Variants in AUTS2 observed in about 807,000 individuals in gnomAD.
The protein encoded by AUTS2 is autism susceptibility gene 2 protein.
In AUTS2, 17 loss-of-function variants were observed where a neutral mutation model predicts 112.4. That is an observed-to-expected ratio of 0.15 (90% CI 0.10 to 0.23). The LOEUF (loss-of-function observed/expected upper bound fraction) is 0.23, where lower values mean the gene tolerates loss of function less well. AUTS2 is among the 10% of genes least tolerant of loss of function. The pLI is 1.00. For synonymous variants in AUTS2, 751 were observed against 702.7 expected, an observed-to-expected ratio of 1.07 and a Z score of -1.09; for missense variants, 1,510 against 1,701.6, an observed-to-expected ratio of 0.89 and a Z score of 1.98.
In AUTS2 at chr7:70,458,310, T is replaced by G. The variant is rs184118627; in HGVS notation, c.690+22529T>G. Among the ~76,000 whole-genome samples, 1,323 of 152,334 alleles carry G rather than the reference T, an allele frequency of 8.7e-3. 64 individuals are homozygous for G. Among genetic ancestry groups the G allele is most frequent in the Admixed American group, 0.08 (1,231 of 15,302 alleles). ...AGGATGTCAGAAGAAATGATAAGCC[T>G]CCTTGAAACAGCAACCTCTATTACA... On this transcript the variant is annotated intron_variant, in intron 5 of 18. Coordinates refer to ENST00000342771, the MANE Select transcript of AUTS2 (RefSeq NM_015570.4).
At chr7:70,043,688 C>T (rs902366391) in intron 2 of AUTS2, among the ~76,000 whole-genome samples, 3 of 151,322 alleles carry the variant, frequency 2.0e-5, no homozygotes, top group Non-Finnish European at 4.4e-5. Context: ...TGGCTTACCA[C>T]AACCTCCACC....
At chr7:70,730,182 T>C (rs1262968619) in intron 6 of AUTS2, among the ~76,000 whole-genome samples, 7 of 152,124 alleles carry the variant, frequency 4.6e-5, no homozygotes, top group Admixed American at 4.6e-4. Context: ...GCACCCAGCC[T>C]GTTTGCCCAT....
At chr7:70,764,298 C>T (rs1789766668) in intron 7 of AUTS2, among the ~76,000 whole-genome samples, 1 of 152,160 alleles carries the variant, frequency 6.6e-6, no homozygotes, top group Non-Finnish European at 1.5e-5. Context: ...CTGGGTTTCA[C>T]CTCTTCTTTG....
intron 1 of AUTS2, among the ~76,000 whole-genome samples, chr7:69,770,626 C>G (rs1237067847): frequency 1.3e-5 from 2 of 152,132 alleles, no homozygotes; most frequent in African/African-American, 4.8e-5. Flanking sequence ...TTCTACATCA[C>G]AACTTTGCAG....
chr7:70,268,635 C>A (rs1337071010), intron 4 of AUTS2, among the ~76,000 whole-genome samples: 1 of 152,192 alleles, frequency 6.6e-6, no homozygotes, highest in Non-Finnish European at 1.5e-5. Flanking sequence ...ATAGCCTCCC[C>A]TTTGGGGAAA....
chr7:70,330,919 T>G (rs1300775667), intron 4 of AUTS2, among the ~76,000 whole-genome samples: 1 of 152,206 alleles, frequency 6.6e-6, no homozygotes, highest in African/African-American at 2.4e-5. Context: ...CTTAATTTCC[T>G]TTTTAGATTG....
intron 5 of AUTS2, among the ~76,000 whole-genome samples, chr7:70,544,120 A>G (rs1800671006): frequency 6.6e-6 from 1 of 152,204 alleles, no homozygotes; most frequent in Non-Finnish European, 1.5e-5. Context: ...TTGGGACTTA[A>G]ACAAGATTTG....
At chr7:70,638,508 G>T (rs553491346) in intron 5 of AUTS2, among the ~76,000 whole-genome samples, 1 of 152,076 alleles carries the variant, frequency 6.6e-6, no homozygotes. Context: ...GAATTATGCC[G>T]TCGTTGGCAT....
intron 4 of AUTS2, among the ~76,000 whole-genome samples, chr7:70,213,361 T>TA (rs34904267): frequency 0.079 from 7,701 of 97,370 alleles, 257 homozygotes; most frequent in Non-Finnish European, 0.096. Context: ...ACCCCCTTTC[T>TA]AAAAAAAAAA....
intron 4 of AUTS2, among the ~76,000 whole-genome samples, chr7:70,418,418 C>T (rs771654466): frequency 3.3e-5 from 5 of 152,294 alleles, no homozygotes; most frequent in East Asian, 3.9e-4. Flanking sequence ...TCCCATTTTA[C>T]GGATGAGGAA....
chr7:70,290,687 G>A (rs998185775), intron 4 of AUTS2: 1 of 1,329,554 alleles, frequency 7.5e-7, no homozygotes, highest in Non-Finnish European at 9.6e-7. Flanking sequence ...CCCAATTCAG[G>A]TATCAGATCC....
chr7:70,689,751 A>G lies in AUTS2; in HGVS notation c.691-8818A>G, dbSNP rs573466861. ...AGATCACACCACTGCACTCCAGCCTAGGCGACAGAGCAAGACTCCGTCTCA... is the reference window on the plus strand; with the variant it reads ...AGATCACACCACTGCACTCCAGCCTGGGCGACAGAGCAAGACTCCGTCTCA... On this transcript the variant is annotated intron_variant, in intron 5 of 18. Transcript: ENST00000342771. Among the ~76,000 whole-genome samples, 146 of 136,294 alleles carry G rather than the reference A, an allele frequency of 1.1e-3. 1 individual carries two copies. Among genetic ancestry groups the G allele is most frequent in the Admixed American group, 3.3e-3 (41 of 12,590 alleles). 89.4% of individuals were successfully genotyped at this position (136,294 alleles called of 152,430 possible).
intron 5 of AUTS2, among the ~76,000 whole-genome samples, chr7:70,639,182 C>T (rs1805678725): frequency 6.6e-6 from 1 of 152,142 alleles, no homozygotes; most frequent in African/African-American, 2.4e-5. Context: ...CACCACCACA[C>T]CAAAAGTCTG....
chr7:70,348,991 A>C (rs1208576243), intron 4 of AUTS2, among the ~76,000 whole-genome samples: 1 of 152,220 alleles, frequency 6.6e-6, no homozygotes, highest in African/African-American at 2.4e-5. Context: ...TTTAAATAAC[A>C]AAAATGACTG....
At chr7:70,449,173 G>A (rs531509123) in intron 5 of AUTS2, among the ~76,000 whole-genome samples, 2 of 152,354 alleles carry the variant, frequency 1.3e-5, no homozygotes, top group South Asian at 4.1e-4. Context: ...AGGGCTAAAT[G>A]CCCTCCTTGC....
At chr7:70,122,434 T>G (rs1023225721) in intron 3 of AUTS2, among the ~76,000 whole-genome samples, 2 of 152,182 alleles carry the variant, frequency 1.3e-5, no homozygotes, top group Non-Finnish European at 2.9e-5. Context: ...ACCAGCCTTG[T>G]CTACTAATTG....
At chr7:69,987,559 C>T (rs1798563620) in intron 2 of AUTS2, among the ~76,000 whole-genome samples, 1 of 152,148 alleles carries the variant, frequency 6.6e-6, no homozygotes, top group South Asian at 2.1e-4. Context: ...TCTTGAACTC[C>T]TGGGCTCAAG....
intron 6 of AUTS2, among the ~76,000 whole-genome samples, chr7:70,702,826 G>A (rs565641314): frequency 5.9e-5 from 9 of 152,260 alleles, no homozygotes; most frequent in South Asian, 2.1e-4. Context: ...TTCCTCTCCC[G>A]GGCCCTACCA....
At chr7:69,995,529 GC>G in intron 2 of AUTS2, among the ~76,000 whole-genome samples, 1 of 152,166 alleles carries the variant, frequency 6.6e-6, no homozygotes, top group African/African-American at 2.4e-5. Context: ...TCTTGTGTTT[GC>G]CCCCTGCTTT....
Sources: gnomAD v4.1 joint callset for allele counts (sites outside exome capture counted in the v4.1 genomes callset) on GRCh38, gnomAD v4.1.1 for gene constraint, MANE v1.5 for transcripts, NCBI Gene and HGNC (gene_info 2026-07-23, HGNC 2026-07-21) for gene names.